DCDC2C: variants seen among roughly 807,000 people sequenced by gnomAD.
DCDC2C encodes the protein doublecortin domain containing 2C.
DCDC2C carries 44 observed loss-of-function variants against 45.0 expected under a neutral mutation model. The ratio of observed to expected loss-of-function variants is 0.98; its 90% CI spans 0.77 to 1.26. The LOEUF (loss-of-function observed/expected upper bound fraction) is 1.26, where lower values mean the gene tolerates loss of function less well. DCDC2C is among the 50% of genes most tolerant of loss of function. The pLI is 0.00. For synonymous variants in DCDC2C, 187 were observed against 178.8 expected (o/e 1.05, Z -0.37); for missense variants, 447 against 468.9 (o/e 0.95, Z 0.43).
intron 4 of DCDC2C, among the ~76,000 whole-genome samples, chr2:3,751,778 C>T (rs1371743731): frequency 6.6e-6 from 1 of 152,238 alleles, no homozygotes; most frequent in African/African-American, 2.4e-5. Context: ...CCTCCTCCCA[C>T]AGGGGCAATT....
chr2:3,760,500 A>G (rs1669848370), intron 6 of DCDC2C, among the ~76,000 whole-genome samples: 1 of 152,064 alleles, frequency 6.6e-6, no homozygotes, highest in Non-Finnish European at 1.5e-5. Flanking sequence ...GTGCAGCCAT[A>G]AAAAAGAATG....
rs573686826 is a variant in DCDC2C, at chr2:3,752,684, T to C, written c.546-79T>C. On this transcript the variant is annotated intron_variant, in intron 4 of 10. Transcript: ENST00000399143. ...AGCGGTCCATGCACTAGTCATGTCA[T>C]AGTGTATGCACAAATACCCCAAGCC... 8.5e-5 allele frequency: 126 copies of C among 1,483,702 alleles called. 2 individuals carry two copies. The East Asian group carries it at 2.5e-3, about 30-fold the overall frequency. 91.9% of individuals were successfully genotyped at this position (1,483,702 alleles called of 1,614,324 possible). A position where few individuals can be genotyped will look rare whatever the true frequency, so the allele number is the denominator to read the frequency against.
chr2:3,801,165 C>T (rs1469998230), intron 10 of DCDC2C, among the ~76,000 whole-genome samples: 4 of 152,210 alleles, frequency 2.6e-5, no homozygotes, highest in South Asian at 2.1e-4. Context: ...ACAACAGTAT[C>T]GCATCCCAGC....
chr2:3,771,463 T>C (rs993317233), intron 8 of DCDC2C, among the ~76,000 whole-genome samples: 3 of 152,232 alleles, frequency 2.0e-5, no homozygotes, highest in Admixed American at 2.0e-4. Flanking sequence ...GCCACTCTCA[T>C]ATCTCTCCTT....
At chr2:3,721,539 A>G (rs1196630227) in intron 2 of DCDC2C, among the ~76,000 whole-genome samples, 1 of 152,222 alleles carries the variant, frequency 6.6e-6, no homozygotes, top group Non-Finnish European at 1.5e-5. Context: ...TGGAGAGAAC[A>G]GAGACTTTGG....
At chr2:3,792,609 C>T (rs1464848549) in intron 10 of DCDC2C, among the ~76,000 whole-genome samples, 4 of 151,030 alleles carry the variant, frequency 2.6e-5, no homozygotes, top group African/African-American at 9.7e-5. Flanking sequence ...GTAACATAGA[C>T]CTGGTTGTAA....
intron 4 of DCDC2C, among the ~76,000 whole-genome samples, chr2:3,751,636 G>A (rs1199550417): frequency 2.0e-5 from 3 of 152,330 alleles, no homozygotes; most frequent in African/African-American, 7.2e-5. Flanking sequence ...CAGCTCTGAC[G>A]CCCAGCTCTG....
chr2:3,766,553 T>C (rs1670017593), intron 6 of DCDC2C, among the ~76,000 whole-genome samples: 1 of 152,128 alleles, frequency 6.6e-6, no homozygotes, highest in Non-Finnish European at 1.5e-5. Context: ...TTAAAATAGG[T>C]AGAAACATTT....
intron 8 of DCDC2C, among the ~76,000 whole-genome samples, chr2:3,771,790 C>T (rs1215472668): frequency 3.3e-5 from 5 of 152,310 alleles, no homozygotes; most frequent in Middle Eastern, 6.8e-3. Flanking sequence ...CCCCACTCTG[C>T]GCCTGGCCCG....
At chr2:3,712,509 A>T (rs966457844) in intron 2 of DCDC2C, among the ~76,000 whole-genome samples, 2 of 148,958 alleles carry the variant, frequency 1.3e-5, no homozygotes, top group Admixed American at 6.7e-5. Context: ...AAAAAAAATT[A>T]TCCAGGCATG....
intron 1 of DCDC2C, among the ~76,000 whole-genome samples, chr2:3,705,158 G>T (rs1295187334): frequency 6.6e-6 from 1 of 152,214 alleles, no homozygotes; most frequent in East Asian, 1.9e-4. Context: ...TGAAAAAGTA[G>T]TAGGATTTAG....
intron 8 of DCDC2C, among the ~76,000 whole-genome samples, chr2:3,772,159 A>G (rs882417): frequency 0.14 from 21,297 of 152,222 alleles, 1,607 homozygotes; most frequent in East Asian, 0.28. Flanking sequence ...TCTAGGTTGA[A>G]GAAGGGAACC....
At chr2:3,795,648 T>G (rs1162616073) in intron 10 of DCDC2C, among the ~76,000 whole-genome samples, 3 of 106,032 alleles carry the variant, frequency 2.8e-5, no homozygotes, top group African/African-American at 1.2e-4. Context: ...TGCTTGTTTT[T>G]CTCAGGTTTG....
At chr2:3,735,761 T>C (rs1669006577) in intron 3 of DCDC2C, among the ~76,000 whole-genome samples, 1 of 151,980 alleles carries the variant, frequency 6.6e-6, no homozygotes, top group African/African-American at 2.4e-5. Context: ...TTAAAAGTGA[T>C]CACGGCCAGG....
chr2:3,820,266 G>A (rs555891207), intron 10 of DCDC2C, among the ~76,000 whole-genome samples: 12 of 152,276 alleles, frequency 7.9e-5, no homozygotes, highest in African/African-American at 2.9e-4. Flanking sequence ...GGGCCAAGTG[G>A]TGTTGCAGAA....
chr2:3,710,594 C>G (rs935441467), intron 2 of DCDC2C, among the ~76,000 whole-genome samples: 2 of 152,134 alleles, frequency 1.3e-5, no homozygotes, highest in Non-Finnish European at 2.9e-5. Flanking sequence ...AGCATAGTAT[C>G]CAATAGTTAG....
chr2:3,776,597 G>A (rs1410541971), intron 8 of DCDC2C, among the ~76,000 whole-genome samples: 1 of 152,146 alleles, frequency 6.6e-6, no homozygotes, highest in Non-Finnish European at 1.5e-5. Context: ...CTTCTCTTAG[G>A]CTTCTGATCA....
intron 10 of DCDC2C, among the ~76,000 whole-genome samples, chr2:3,846,012 G>C (rs1190379495): frequency 6.6e-6 from 1 of 152,198 alleles, no homozygotes; most frequent in Admixed American, 6.5e-5. Context: ...TGAGGTACCT[G>C]TAGGGGTTAG....
chr2:3,798,932 G>A (rs953507330), intron 10 of DCDC2C, among the ~76,000 whole-genome samples: 1 of 152,060 alleles, frequency 6.6e-6, no homozygotes, highest in Non-Finnish European at 1.5e-5. Flanking sequence ...TGCTAGATTG[G>A]GGAAGTTCTC....
Sources: allele counts gnomAD v4.1 joint callset (sites outside exome capture counted in the v4.1 genomes callset), GRCh38; gene constraint gnomAD v4.1.1; transcripts MANE v1.5; gene names NCBI Gene and HGNC (gene_info 2026-07-23, HGNC 2026-07-21).